ACSM2A: variants seen among roughly 807,000 people sequenced by gnomAD.
ACSM2A encodes the protein acyl-coenzyme A synthetase ACSM2A, mitochondrial.
ACSM2A carries 72 observed loss-of-function variants against 76.6 expected under a neutral mutation model. The observed-to-expected ratio is 0.94, with a 90% CI of 0.78 to 1.14. The LOEUF (loss-of-function observed/expected upper bound fraction) is 1.14. ACSM2A is among the 50% of genes most tolerant of loss of function. The pLI is 0.00. For synonymous variants in ACSM2A, 249 were observed against 255.9 expected (o/e 0.97, Z 0.26); for missense variants, 684 against 708.5 (o/e 0.97, Z 0.39).
At chr16:20,474,774 C>A (rs2013625691) in intron 6 of ACSM2A, among the ~76,000 whole-genome samples, 1 of 152,146 alleles carries the variant, frequency 6.6e-6, no homozygotes, top group African/African-American at 2.4e-5. Context: ...TGATAGCACA[C>A]ACTCCGTGAG....
At position 20,475,665 on chromosome 16, in the gene ACSM2A, T is replaced by C. The variant is rs2013692447; in HGVS notation, c.990T>C (p.His330=). The part of the protein sequence containing the change: ...QQDLSSYKFP[H]LQNCVTVGES... ...TCTTCTTCAGTTACAAGTTCCCCCA[T>C]CTACAGAACTGCGTCACTGTAGGGG... is the stretch of plus-strand genomic sequence containing the variant. Residue 330 remains histidine (H), a synonymous_variant, in exon 8 of 14, where the codon CAT becomes CAC. Coordinates refer to ENST00000573854, the MANE Select transcript of ACSM2A (RefSeq NM_001308172.2). 4 of 1,613,888 alleles carry C rather than the reference T, an allele frequency of 2.5e-6. No individual in the cohort carries two copies. The highest frequency in any genetic ancestry group is 2.5e-6 in the Non-Finnish European group (3 of 1,179,934).
chr16:20,468,451 C>A (rs1439473346), intron 3 of ACSM2A, among the ~76,000 whole-genome samples: 1 of 152,174 alleles, frequency 6.6e-6, no homozygotes, highest in Non-Finnish European at 1.5e-5. Context: ...TCACTGCCTC[C>A]CAGGTTCAAG....
chr16:20,474,052 C>G (rs1283736216), intron 6 of ACSM2A: 3 of 449,468 alleles, frequency 6.7e-6, no homozygotes, highest in African/African-American at 4.0e-5. Flanking sequence ...CCTTTCTGGA[C>G]CAAACCAATG....
intron 12 of ACSM2A, chr16:20,482,817 T>A (rs561748406): frequency 2.5e-6 from 1 of 405,736 alleles, no homozygotes; most frequent in East Asian, 4.3e-5. Flanking sequence ...TCTATTGTTA[T>A]TGGAGTATGA....
At position 20,460,237 on chromosome 16, in the gene ACSM2A, G is replaced by A. The variant is rs539802755; in HGVS notation, c.123G>A (p.Pro41=). 6.4e-5 allele frequency: 103 copies of A among 1,613,344 alleles called. No individual in the cohort carries two copies. Among genetic ancestry groups the A allele is most frequent in the Non-Finnish European group, 7.8e-5 (92 of 1,179,738 alleles). ...TGCAGTGGGGCCACCAGGAAGTGCCGGCCAAGTTTAACTTTGCTAGTGATG... is the reference window on the plus strand; with the variant it reads ...TGCAGTGGGGCCACCAGGAAGTGCCAGCCAAGTTTAACTTTGCTAGTGATG... ...VSLQWGHQEV[P]AKFNFASDVL... is the part of the protein sequence containing the mutation. The change falls in exon 2 of 14, where the codon CCG becomes CCA. Residue 41 remains proline, a synonymous_variant. Coordinates refer to ENST00000573854, the MANE Select transcript of ACSM2A (RefSeq NM_001308172.2).
chr16:20,478,383 A>G (rs1446294464), intron 9 of ACSM2A, among the ~76,000 whole-genome samples, 193 bp from the exon 10 acceptor site: 3 of 152,138 alleles, frequency 2.0e-5, no homozygotes, highest in African/African-American at 7.2e-5. Flanking sequence ...AAAAGGATTC[A>G]CCTAAACTAT....
At chr16:20,456,718 C>A (rs1198526900) in intron 1 of ACSM2A, among the ~76,000 whole-genome samples, 1 of 148,754 alleles carries the variant, frequency 6.7e-6, no homozygotes, top group African/African-American at 2.5e-5. Context: ...CACAAATAGA[C>A]AATCTAAGGC....
intron 1 of ACSM2A, among the ~76,000 whole-genome samples, chr16:20,455,452 G>C (rs1400931960): frequency 6.6e-6 from 1 of 151,294 alleles, no homozygotes; most frequent in Admixed American, 6.6e-5. Context: ...AGATTTCTCA[G>C]CAGAAATCCT....
intron 3 of ACSM2A, 32 bp downstream of exon 3, chr16:20,465,759 T>C (rs1191433862): frequency 6.2e-7 from 1 of 1,603,084 alleles, no homozygotes; most frequent in African/African-American, 1.3e-5. Context: ...CAGAGAACTG[T>C]CTTCCTTGTG....
Position 20,475,723 on chromosome 16 carries a change from A to T in ACSM2A, c.1048A>T (p.Arg350Trp). The change falls in exon 8 of 14, where the codon AGG becomes TGG. Residue 350 changes from arginine (R) to tryptophan (W), a missense_variant. Arg to Trp is a moderately radical substitution (Grantham distance 101). This residue lies in a region of ACSM2A where 519 missense variants were observed against 549.5 expected (regional missense o/e 0.94). Transcript: ENST00000573854. ...TCTTCCAGAAACTCTGGAGAACTGG[A>T]GGGCCCAGACAGGACTGGACATCCG... ...SLLPETLENW[R>W]AQTGLDIRES... is the part of the protein sequence containing the mutation. The T allele has an allele frequency of 6.2e-7, 1 of 1,614,048 alleles. No homozygotes were observed. Among genetic ancestry groups the T allele is most frequent in the Non-Finnish European group, 8.5e-7 (1 of 1,179,922 alleles).
chr16:20,467,197 G>A (rs560078767), intron 3 of ACSM2A, among the ~76,000 whole-genome samples: 1 of 152,198 alleles, frequency 6.6e-6, no homozygotes, highest in Non-Finnish European at 1.5e-5. Flanking sequence ...TGTGCCTGAA[G>A]TCCAGGCCAT....
intron 1 of ACSM2A, chr16:20,452,536 T>G (rs1383906159): frequency 8.0e-6 from 1 of 124,444 alleles, no homozygotes; most frequent in Non-Finnish European, 1.6e-5. Flanking sequence ...CATACATATG[T>G]TAATACTTAG....
chr16:20,477,560 G>T, intron 9 of ACSM2A, 111 bp downstream of exon 9: 2 of 1,440,368 alleles, frequency 1.4e-6, no homozygotes, highest in South Asian at 1.8e-5. Context: ...CTGATATTAA[G>T]ATAACATAAG....
chr16:20,476,667 G>A lies in ACSM2A; in HGVS notation c.1099-702G>A, dbSNP rs531566429. On this transcript the variant is annotated intron_variant, in intron 8 of 13. Coordinates refer to ENST00000573854, the MANE Select transcript of ACSM2A (RefSeq NM_001308172.2). ...AGCAGCCTCTCTTCTGAGGTGGGTG[G>A]ATAAACTTGCCCTTTCCAGCACAGT... 89 of 986,972 alleles carry A rather than the reference G, an allele frequency of 9.0e-5. 1 individual carries two copies. The African/African-American group carries it at 1.0e-3, about 11-fold the overall frequency. 61.1% of individuals were successfully genotyped at this position (986,972 alleles called of 1,614,324 possible).
intron 9 of ACSM2A, 149 bp from the exon 10 acceptor site, chr16:20,478,427 A>T: frequency 1.2e-6 from 1 of 824,218 alleles, no homozygotes; most frequent in Middle Eastern, 2.4e-4. Context: ...TGAGTTTAAG[A>T]CTCTTGGGTT....
At chr16:20,458,926 A>G (rs1596641912) in intron 1 of ACSM2A, among the ~76,000 whole-genome samples, 1 of 61,634 alleles carries the variant, frequency 1.6e-5, no homozygotes, top group Admixed American at 1.5e-4. Flanking sequence ...ATATATATAT[A>G]TATATACATA....
In ACSM2A at chr16:20,480,817, T is replaced by C. The variant is rs780147240; in HGVS notation, c.1410-5T>C. On this transcript the variant is annotated splice_polypyrimidine_tract_variant and splice_region_variant and intron_variant, in intron 11 of 13. Transcript: ENST00000573854. ...GTGTTCTCTGAAGGACAGGTTCTTCTGCAGGTACCGGATTGGACCCTCGGA... is the reference window on the plus strand; with the variant it reads ...GTGTTCTCTGAAGGACAGGTTCTTCCGCAGGTACCGGATTGGACCCTCGGA... The C allele has an allele frequency of 2.5e-6, 4 of 1,613,944 alleles. No homozygotes were observed. Among genetic ancestry groups the C allele is most frequent in the Non-Finnish European group, 1.7e-6 (2 of 1,179,860 alleles).
At chr16:20,480,496 C>G (rs2014019531) in intron 10 of ACSM2A, 77 bp from the exon 11 acceptor site, 2 of 1,540,852 alleles carry the variant, frequency 1.3e-6, no homozygotes, top group Non-Finnish European at 1.7e-6. Flanking sequence ...AGACTCATAG[C>G]ATTTGTTCAT....
At chr16:20,466,415 C>T (rs1283458992) in intron 3 of ACSM2A, among the ~76,000 whole-genome samples, 2 of 152,110 alleles carry the variant, frequency 1.3e-5, no homozygotes, top group African/African-American at 4.8e-5. Context: ...ATGTAATTAT[C>T]TGATGATTTC....
Sources: gnomAD v4.1 joint callset for allele counts (sites outside exome capture counted in the v4.1 genomes callset) on GRCh38, gnomAD v4.1.1 for gene constraint, gnomAD v4.1.1 regional missense constraint, MANE v1.5 for transcripts, NCBI Gene and HGNC (gene_info 2026-07-23, HGNC 2026-07-21) for gene names.